SEPTIN7: variants seen among roughly 807,000 people sequenced by gnomAD.
SEPTIN7 encodes septin 7.
A neutral mutation model predicts 63.3 loss-of-function variants in SEPTIN7; 10 were observed. That is an observed-to-expected ratio of 0.16 (90% CI 0.10 to 0.27). The LOEUF (loss-of-function observed/expected upper bound fraction) is 0.27, where lower values mean the gene tolerates loss of function less well. Ranked by LOEUF, SEPTIN7 falls within the 10% of genes least tolerant of loss-of-function variation. The pLI, the probability that SEPTIN7 is intolerant of heterozygous loss-of-function variation, is 1.00. For missense variants in SEPTIN7, 310 were observed against 521.0 expected, an observed-to-expected ratio of 0.59 and a Z score of 3.94; for synonymous variants, 131 against 165.3, an observed-to-expected ratio of 0.79 and a Z score of 1.59.
intron 1 of SEPTIN7, chr7:35,812,020 A>G (rs1420371229): frequency 4.8e-6 from 1 of 210,168 alleles, no homozygotes; most frequent in South Asian, 4.7e-5. Flanking sequence ...CCAGTTACTC[A>G]GGAGGCTGAG....
In SEPTIN7 at chr7:35,907,048, C is replaced by G. The variant is rs1233050184; in HGVS notation, c.*2755C>G. On this transcript the variant is annotated 3_prime_UTR_variant, in exon 14 of 14. Transcript: ENST00000350320. ...ATGTGTCAACAAATGTACTGCTACA[C>G]TAATGTGAACATTATGGAACAAAAT... 3 of 152,164 alleles carry G rather than the reference C, an allele frequency of 2.0e-5. No individual in the cohort carries two copies. The highest frequency in any genetic ancestry group is 7.2e-5 in the African/African-American group (3 of 41,434). 9.4% of individuals were successfully genotyped at this position (152,164 alleles called of 1,614,324 possible).
chr7:35,866,865 T>C (rs1362311716), intron 4 of SEPTIN7, among the ~76,000 whole-genome samples: 2 of 152,230 alleles, frequency 1.3e-5, no homozygotes, highest in Non-Finnish European at 2.9e-5. Flanking sequence ...TGAGCGCACA[T>C]CACAATCACC....
Position 35,906,852 on chromosome 7 carries a change from G to A in SEPTIN7, c.*2559G>A, listed in dbSNP as rs1243509113. 6.6e-6 allele frequency: 1 copy of A among 152,170 alleles called. No homozygotes were observed. Among genetic ancestry groups the A allele is most frequent in the Non-Finnish European group, 1.5e-5 (1 of 68,038 alleles). 9.4% of individuals were successfully genotyped at this position (152,170 alleles called of 1,614,324 possible). A position where few individuals can be genotyped will look rare whatever the true frequency, so the allele number is the denominator to read the frequency against. On this transcript the variant is annotated 3_prime_UTR_variant, in exon 14 of 14. Transcript: ENST00000350320. Reference sequence around the variant, plus strand: ...TGGAGAAACTAGGAGTAGAAGTCAGGATATGGTAGGTAAGGGGGAAAAAGG... The same window carrying A: ...TGGAGAAACTAGGAGTAGAAGTCAGAATATGGTAGGTAAGGGGGAAAAAGG...
chr7:35,887,253 A>G (rs574799544), intron 10 of SEPTIN7, among the ~76,000 whole-genome samples: 3 of 152,346 alleles, frequency 2.0e-5, no homozygotes, highest in Admixed American at 1.3e-4. Flanking sequence ...GCTTGACACA[A>G]TGGCATTCTA....
At chr7:35,892,656 G>T (rs2727856) in intron 11 of SEPTIN7, among the ~76,000 whole-genome samples, 72,990 of 151,886 alleles carry the variant, frequency 0.48, 20,686 homozygotes, top group Non-Finnish European at 0.62. Flanking sequence ...TTGGATGCAG[G>T]TAAGATAATT....
intron 3 of SEPTIN7, among the ~76,000 whole-genome samples, chr7:35,853,334 G>T (rs1785053674): frequency 6.6e-6 from 1 of 152,178 alleles, no homozygotes; most frequent in Non-Finnish European, 1.5e-5. Context: ...GCTGAGGTGG[G>T]AGGATCACTT....
chr7:35,844,814 GC>G (rs1480021372), intron 3 of SEPTIN7, among the ~76,000 whole-genome samples: 2 of 152,114 alleles, frequency 1.3e-5, no homozygotes, highest in Non-Finnish European at 2.9e-5. Context: ...TGTTGGCCAG[GC>G]TGATTTCCAA....
intron 1 of SEPTIN7, among the ~76,000 whole-genome samples, chr7:35,824,105 G>A (rs1783384210): frequency 6.7e-6 from 1 of 149,356 alleles, no homozygotes; most frequent in South Asian, 2.1e-4. Context: ...AAAAAAAATT[G>A]CTTATACTCA....
intron 1 of SEPTIN7, among the ~76,000 whole-genome samples, chr7:35,806,015 C>T (rs1788315289): frequency 6.6e-6 from 1 of 152,186 alleles, no homozygotes. Context: ...ACCAGCATCC[C>T]TGCTGTCATC....
At chr7:35,815,318 G>A (rs1477979302) in intron 1 of SEPTIN7, among the ~76,000 whole-genome samples, 1 of 152,118 alleles carries the variant, frequency 6.6e-6, no homozygotes, top group East Asian at 1.9e-4. Flanking sequence ...TAGATGTTTT[G>A]AACAGACAGA....
chr7:35,842,750 A>C (rs1481277426), intron 3 of SEPTIN7, among the ~76,000 whole-genome samples: 3 of 152,218 alleles, frequency 2.0e-5, no homozygotes, highest in Non-Finnish European at 4.4e-5. Context: ...TTCTAAACAA[A>C]AGTTACAAGT....
intron 9 of SEPTIN7, 97 bp from the exon 10 acceptor site, chr7:35,885,731 T>C: frequency 1.1e-6 from 1 of 897,536 alleles, no homozygotes. Context: ...TTGCATTTCC[T>C]CTTCTTGTTT....
chr7:35,801,095 G>A lies in SEPTIN7; in HGVS notation c.-115G>A. On this transcript the variant is annotated 5_prime_UTR_variant, in exon 1 of 14. Coordinates refer to ENST00000350320, the MANE Select transcript of SEPTIN7 (RefSeq NM_001788.6). ...CCTGTGGAGGAGTCCGCCTGCTGTA[G>A]CGTGCGTAAGCAAGGCAGCTACGCC... 1.3e-6 allele frequency: 1 copy of A among 751,976 alleles called. No individual in the cohort carries two copies. The highest frequency in any genetic ancestry group is 2.2e-5 in the South Asian group (1 of 45,952). The allele number at this position is 751,976 out of a possible 1,614,324, so 46.6% of individuals were successfully genotyped here. A position where few individuals can be genotyped will look rare whatever the true frequency, so the allele number is the denominator to read the frequency against.
chr7:35,826,622 T>C (rs976963641), intron 1 of SEPTIN7, among the ~76,000 whole-genome samples: 2 of 151,988 alleles, frequency 1.3e-5, no homozygotes, highest in Admixed American at 1.3e-4. Context: ...TGTAATGATA[T>C]TGGGAAGTTG....
intron 10 of SEPTIN7, among the ~76,000 whole-genome samples, chr7:35,888,349 GAAAAGA>G (rs1787402182): frequency 6.6e-6 from 1 of 152,088 alleles, no homozygotes; most frequent in African/African-American, 2.4e-5. Context: ...TGATTTTAGT[GAAAAGA>G]AAAATTATTC....
intron 12 of SEPTIN7, chr7:35,899,719 TAA>T (rs1308521871): frequency 2.0e-5 from 3 of 151,912 alleles, no homozygotes; most frequent in African/African-American, 7.3e-5. Context: ...CCAATCCCTA[TAA>T]AAAATTTTTA....
intron 1 of SEPTIN7, chr7:35,815,043 C>A (rs1788966130): frequency 1.5e-5 from 3 of 201,724 alleles, no homozygotes; most frequent in Admixed American, 6.0e-5. Context: ...ATTTATTCAT[C>A]AGTTCGGTTA....
At chr7:35,869,237 A>G (rs752833863) in intron 4 of SEPTIN7, among the ~76,000 whole-genome samples, 5 of 152,186 alleles carry the variant, frequency 3.3e-5, no homozygotes, top group Non-Finnish European at 5.9e-5. Context: ...TAGAAGGCCA[A>G]GTTAGAGTTT....
intron 4 of SEPTIN7, among the ~76,000 whole-genome samples, chr7:35,866,211 T>C (rs1227356237): frequency 6.6e-6 from 1 of 152,216 alleles, no homozygotes; most frequent in East Asian, 1.9e-4. Flanking sequence ...CTAAACTCTT[T>C]TGCCCACTTA....
Sources: gnomAD v4.1 joint callset for allele counts (sites outside exome capture counted in the v4.1 genomes callset) on GRCh38, gnomAD v4.1.1 for gene constraint, MANE v1.5 for transcripts, NCBI Gene and HGNC (gene_info 2026-07-23, HGNC 2026-07-21) for gene names.